RFX3: variants seen among roughly 807,000 people sequenced by gnomAD.
RFX3 encodes the protein regulatory factor X3.
In RFX3, 14 loss-of-function variants were observed where a neutral mutation model predicts 98.6. The observed-to-expected ratio is 0.14, with a 90% CI of 0.09 to 0.22. The LOEUF is 0.22. Among genes scored for constraint, RFX3 ranks in the 10% least tolerant of loss-of-function variants. The pLI is 1.00. For synonymous variants in RFX3, 383 were observed against 328.4 expected, an observed-to-expected ratio of 1.17 and a Z score of -1.80; for missense variants, 639 against 926.9, an observed-to-expected ratio of 0.69 and a Z score of 4.03.
At chr9:3,422,562 G>T (rs1447247512) in intron 1 of RFX3, among the ~76,000 whole-genome samples, 3 of 152,180 alleles carry the variant, frequency 2.0e-5, no homozygotes, top group Non-Finnish European at 4.4e-5. Flanking sequence ...GGGAATCAAA[G>T]ATCTTTTAAG....
chr9:3,227,186 C>A lies in RFX3; in HGVS notation c.2011+1661G>T, dbSNP rs113992646. Among the ~76,000 whole-genome samples, 1,154 of 152,198 alleles carry A rather than the reference C, an allele frequency of 7.6e-3. 4 individuals carry two copies. The highest frequency in any genetic ancestry group is 1.0e-2 in the Non-Finnish European group (678 of 68,002). On this transcript the variant is annotated intron_variant, in intron 16 of 16. Coordinates refer to ENST00000617270, the MANE Select transcript of RFX3 (RefSeq NM_001282116.2). Reference sequence around the variant, plus strand: ...AGTGTCAAAATAATAAAAAAGGGAGCACTGAAAAGACAAAAGCTCATTTTC... The same window carrying A: ...AGTGTCAAAATAATAAAAAAGGGAGAACTGAAAAGACAAAAGCTCATTTTC...
chr9:3,320,846 TAA>T (rs1157045204), intron 4 of RFX3, among the ~76,000 whole-genome samples: 10 of 143,100 alleles, frequency 7.0e-5, no homozygotes, highest in African/African-American at 2.6e-4. Flanking sequence ...TAATTCCACT[TAA>T]GAGATAAAAG....
In RFX3 at chr9:3,314,091, C is replaced by A. The variant is rs983776071; in HGVS notation, c.475-12471G>T. On this transcript the variant is annotated intron_variant, in intron 4 of 16. Transcript: ENST00000617270. ...ATTGTCAGATTCACCAAAGTTGAAA[C>A]AAAGGAAAAAATATTAAGGGCAGCC... Among the ~76,000 whole-genome samples the A allele has an allele frequency of 2.5e-4, 38 of 151,942 alleles. 1 individual carries two copies. Among genetic ancestry groups the A allele is most frequent in the Admixed American group, 1.5e-3 (23 of 15,256 alleles).
intron 1 of RFX3, among the ~76,000 whole-genome samples, chr9:3,514,954 T>A (rs956026200): frequency 6.6e-6 from 1 of 152,212 alleles, no homozygotes; most frequent in Non-Finnish European, 1.5e-5. Context: ...ACCCTTAAAC[T>A]GACACGTCAT....
At chr9:3,440,350 T>C (rs1845508719) in intron 1 of RFX3, among the ~76,000 whole-genome samples, 1 of 152,038 alleles carries the variant, frequency 6.6e-6, no homozygotes, top group South Asian at 2.1e-4. Context: ...GACAGAAAGT[T>C]AGCATCTATA....
chr9:3,363,334 G>C (rs1176324444), intron 2 of RFX3, among the ~76,000 whole-genome samples: 1 of 152,024 alleles, frequency 6.6e-6, no homozygotes, highest in African/African-American at 2.4e-5. Context: ...AATTAAGTTT[G>C]GCAACTCTAG....
intron 6 of RFX3, 45 bp from the exon 7 acceptor site, chr9:3,288,295 C>G (rs1563865761): frequency 1.9e-6 from 3 of 1,584,766 alleles, no homozygotes; most frequent in Non-Finnish European, 2.6e-6. Context: ...GTCAGTCAAA[C>G]TAATATTAAT....
At chr9:3,294,015 C>CA (rs1291008181) in intron 5 of RFX3, among the ~76,000 whole-genome samples, 1 of 152,072 alleles carries the variant, frequency 6.6e-6, no homozygotes, top group Admixed American at 6.5e-5. Flanking sequence ...TGTTCACATT[C>CA]TAAAGTTTTA....
chr9:3,311,713 C>G (rs899295879), intron 4 of RFX3, among the ~76,000 whole-genome samples: 7 of 151,204 alleles, frequency 4.6e-5, no homozygotes, highest in Non-Finnish European at 1.0e-4. Flanking sequence ...GGCAAAACCT[C>G]ATCTCTACTA....
Position 3,225,059 on chromosome 9 carries a change from T to C in RFX3, c.2233A>G (p.Thr745Ala), listed in dbSNP as rs751962102. The change falls in exon 17 of 17, where the codon ACC (threonine) becomes GCC (alanine). Residue 745 changes from threonine (T) to alanine (A), a missense_variant. Physicochemically the swap from Thr to Ala is moderately conservative, Grantham distance 58. Transcript: ENST00000617270. ...TIRQCSATGN[T>A]YTAV ...AATATTCTTTAGACTGCAGTGTAGG[T>C]ATTTCCTGTAGCGCTGCACTGTCTG... is the stretch of plus-strand genomic sequence containing the variant. 2.5e-6 allele frequency: 4 copies of C among 1,613,932 alleles called. No homozygotes were observed. Among genetic ancestry groups the C allele is most frequent in the Non-Finnish European group, 8.5e-7 (1 of 1,179,872 alleles).
intron 2 of RFX3, among the ~76,000 whole-genome samples, chr9:3,391,155 C>T (rs1431516038): frequency 6.6e-6 from 1 of 152,058 alleles, no homozygotes; most frequent in African/African-American, 2.4e-5. Context: ...AGGCATTTTA[C>T]TATAGTTTGC....
intron 15 of RFX3, chr9:3,247,089 G>C (rs757738766): frequency 2.6e-5 from 26 of 984,634 alleles, no homozygotes; most frequent in Non-Finnish European, 3.0e-5. Context: ...GCTTAAAAGT[G>C]AACATGTCTT....
intron 1 of RFX3, among the ~76,000 whole-genome samples, chr9:3,481,041 A>G (rs1352817330): frequency 6.6e-6 from 1 of 152,184 alleles, no homozygotes; most frequent in African/African-American, 2.4e-5. Flanking sequence ...TTTTGTTACT[A>G]TGAAGAATAA....
chr9:3,402,874 T>C (rs1159879308), intron 1 of RFX3, among the ~76,000 whole-genome samples: 1 of 151,850 alleles, frequency 6.6e-6, no homozygotes, highest in Non-Finnish European at 1.5e-5. Context: ...ATTCCAGCTA[T>C]TCTGGAGTAG....
chr9:3,235,933 C>A (rs938936275), intron 15 of RFX3, among the ~76,000 whole-genome samples: 1 of 152,130 alleles, frequency 6.6e-6, no homozygotes, highest in Non-Finnish European at 1.5e-5. Context: ...CATTTTAATG[C>A]CCATTCTACT....
chr9:3,341,950 C>T (rs1833936626), intron 3 of RFX3, among the ~76,000 whole-genome samples: 1 of 152,062 alleles, frequency 6.6e-6, no homozygotes, highest in South Asian at 2.1e-4. Context: ...CATAATTTCA[C>T]CTGCAAATAT....
intron 5 of RFX3, among the ~76,000 whole-genome samples, chr9:3,300,486 T>C (rs1828517077): frequency 6.6e-6 from 1 of 151,692 alleles, no homozygotes; most frequent in South Asian, 2.1e-4. Flanking sequence ...TTTTCAAAGA[T>C]CAAATACTTA....
chr9:3,522,773 A>G (rs1374167689), intron 1 of RFX3, among the ~76,000 whole-genome samples: 2 of 152,224 alleles, frequency 1.3e-5, no homozygotes, highest in Admixed American at 1.3e-4. Flanking sequence ...AGTAACATAC[A>G]TTATCATTTA....
intron 4 of RFX3, among the ~76,000 whole-genome samples, chr9:3,309,577 G>A (rs1275912414): frequency 2.0e-5 from 3 of 151,444 alleles, no homozygotes; most frequent in Non-Finnish European, 2.9e-5. Flanking sequence ...GGGGAAAAGA[G>A]AATGGGGGTG....
Sources: allele counts gnomAD v4.1 joint callset (sites outside exome capture counted in the v4.1 genomes callset), GRCh38; gene constraint gnomAD v4.1.1; transcripts MANE v1.5; gene names NCBI Gene and HGNC (gene_info 2026-07-23, HGNC 2026-07-21).